Variants in CCDC117 observed in about 807,000 individuals in gnomAD.
The protein encoded by CCDC117 is coiled-coil domain-containing protein 117.
Under a neutral mutation model 23.5 loss-of-function variants are expected in CCDC117, and 1 was observed. The ratio of observed to expected loss-of-function variants is 0.04; its 90% CI spans 0.02 to 0.20. CCDC117 has a LOEUF of 0.20. CCDC117 is among the 10% of genes least tolerant of loss of function. The pLI is 1.00. For synonymous variants in CCDC117, 132 were observed against 124.8 expected (o/e 1.06, Z -0.39); for missense variants, 383 against 348.2 (o/e 1.10, Z -0.80).
chr22:28,780,705 C>T lies in CCDC117; in HGVS notation c.240-243C>T, dbSNP rs546269612. 9.2e-5 allele frequency among the ~76,000 whole-genome samples: 14 copies of T among 152,306 alleles called. 1 individual carries two copies. In the South Asian group the frequency reaches 2.9e-3, roughly 32 times the overall value. The stretch of plus-strand genomic sequence containing the variant: ...TGACTTTAAGGTCCCACATTGAACA[C>T]TTACTGTCTGAACAGGCAGAATCTT... On this transcript the variant is annotated intron_variant, in intron 2 of 4. Transcript: ENST00000249064.
At chr22:28,773,829 CCT>C (rs767633937) in intron 2 of CCDC117, 51 bp downstream of exon 2, 32 of 1,374,876 alleles carry the variant, frequency 2.3e-5, no homozygotes, top group Middle Eastern at 1.8e-4. Context: ...TAGTTGAACC[CCT>C]GTTATAGTCT....
Position 28,788,166 on chromosome 22 carries a change from C to G in CCDC117, c.*1840C>G, listed in dbSNP as rs2031572847. ...GGAAACCAGCTAATAGTTTCTTAAT[C>G]TCAGATTTCGAGATGAATGTAAACT... On this transcript the variant is annotated 3_prime_UTR_variant, in exon 5 of 5. Transcript: ENST00000249064. The G allele has an allele frequency of 6.6e-6, 1 of 152,638 alleles. No individual in the cohort carries two copies. The highest frequency in any genetic ancestry group is 2.4e-5 in the African/African-American group (1 of 41,450). The allele number at this position is 152,638 out of a possible 1,614,324, so 9.5% of individuals were successfully genotyped here. A position where few individuals can be genotyped will look rare whatever the true frequency, so the allele number is the denominator to read the frequency against.
intron 3 of CCDC117, among the ~76,000 whole-genome samples, chr22:28,782,250 C>CTTTTTTTTTT (rs34670753): frequency 8.7e-5 from 7 of 80,316 alleles, no homozygotes; most frequent in African/African-American, 3.6e-4. Flanking sequence ...TCTACTGAGC[C>CTTTTTTTTTT]TTTTTTTTTT....
In CCDC117 at chr22:28,788,590, T is replaced by TACCTGACATGATAATTATTTCTGC. The variant is rs1555947516; in HGVS notation, c.*2266_*2289dup. The TACCTGACATGATAATTATTTCTGC allele has an allele frequency of 1.0e-4, 16 of 152,694 alleles. No individual in the cohort carries two copies. The highest frequency in any genetic ancestry group is 3.6e-4 in the African/African-American group (15 of 41,472). The allele number at this position is 152,694 out of a possible 1,614,324, so 9.5% of individuals were successfully genotyped here. On this transcript the variant is annotated 3_prime_UTR_variant, in exon 5 of 5. Coordinates refer to ENST00000249064, the MANE Select transcript of CCDC117 (RefSeq NM_173510.4). ...ACAGAGCTTATTTCAGTAGTCAAGTTACCTGACATGATAATTATTTCTGCA... is the reference window on the plus strand; with the variant it reads ...ACAGAGCTTATTTCAGTAGTCAAGTTACCTGACATGATAATTATTTCTGCACCTGACATGATAATTATTTCTGCA...
intron 3 of CCDC117, among the ~76,000 whole-genome samples, chr22:28,782,632 T>G (rs1025078312): frequency 6.6e-6 from 1 of 151,958 alleles, no homozygotes; most frequent in Non-Finnish European, 1.5e-5. Flanking sequence ...AAAGATGGGG[T>G]TTCACCACGT....
At chr22:28,779,366 CT>C (rs772426837) in intron 2 of CCDC117, among the ~76,000 whole-genome samples, 142 of 144,804 alleles carry the variant, frequency 9.8e-4, no homozygotes, top group South Asian at 2.2e-3. Flanking sequence ...CTGCGCCCAG[CT>C]TTTTTTTTTT....
intron 2 of CCDC117, among the ~76,000 whole-genome samples, chr22:28,774,070 G>GTTTTTTT (rs67314143): frequency 7.9e-6 from 1 of 126,094 alleles, no homozygotes; most frequent in African/African-American, 2.9e-5. Flanking sequence ...TTTTGTTTTT[G>GTTTTTTT]TTTTTTTTTT....
intron 2 of CCDC117, among the ~76,000 whole-genome samples, chr22:28,778,398 A>C (rs1601422918): frequency 6.6e-6 from 1 of 152,194 alleles, no homozygotes; most frequent in East Asian, 1.9e-4. Context: ...ACCTCAGATC[A>C]GTAGTTTGAG....
chr22:28,773,689 A>T, intron 1 of CCDC117, 36 bp from the exon 2 acceptor site: 1 of 1,567,978 alleles, frequency 6.4e-7, no homozygotes, highest in Non-Finnish European at 8.8e-7. Context: ...GCTCGAGTAC[A>T]TTTCTTAATT....
At position 28,772,920 on chromosome 22, in the gene CCDC117, A is replaced by AGCC; in HGVS notation, c.73_75dup (p.Pro25dup). On this transcript the variant is annotated inframe_insertion, in exon 1 of 5. Coordinates refer to ENST00000249064, the MANE Select transcript of CCDC117 (RefSeq NM_173510.4). Reference sequence around the variant, plus strand: ...GGCTCGGACTTCCTGCAGCCGCCGCAGCCGGCCTTCCCCGGCCGGGCCTTC... The same window carrying AGCC: ...GGCTCGGACTTCCTGCAGCCGCCGCAGCCGCCGGCCTTCCCCGGCCGGGCCTTC... 8.1e-7 allele frequency: 1 copy of AGCC among 1,227,482 alleles called. No individual in the cohort carries two copies. Among genetic ancestry groups the AGCC allele is most frequent in the East Asian group, 3.3e-5 (1 of 30,732 alleles). 76.0% of individuals were successfully genotyped at this position (1,227,482 alleles called of 1,614,324 possible). A position where few individuals can be genotyped will look rare whatever the true frequency, so the allele number is the denominator to read the frequency against.
At chr22:28,784,186 T>C (rs1260169493) in intron 4 of CCDC117, among the ~76,000 whole-genome samples, 2 of 152,204 alleles carry the variant, frequency 1.3e-5, no homozygotes, top group African/African-American at 4.8e-5. Context: ...TCCTAGATCA[T>C]CAGAGTAGAA....
chr22:28,781,330 GTTTTGTTTTTTTTT>G (rs2031314243), intron 3 of CCDC117, among the ~76,000 whole-genome samples, 158 bp downstream of exon 3: 6 of 37,628 alleles, frequency 1.6e-4, no homozygotes, highest in East Asian at 8.3e-4. Context: ...TTGTTTTTTT[GTTTTGTTTTTTTTT>G]TTTTTTTTTT....
rs902747446 is a variant in CCDC117, at chr22:28,787,970, A to T, written c.*1644A>T. ...ACTGAAATCCCTCCCCTTGTTACAG[A>T]TGGCGTAGAAGTCACAAGTCTGTTA... is the stretch of plus-strand genomic sequence containing the variant. On this transcript the variant is annotated 3_prime_UTR_variant, in exon 5 of 5. Coordinates refer to ENST00000249064, the MANE Select transcript of CCDC117 (RefSeq NM_173510.4). 6 of 152,606 alleles carry T rather than the reference A, an allele frequency of 3.9e-5. No individual in the cohort carries two copies. The highest frequency in any genetic ancestry group is 5.9e-5 in the Non-Finnish European group (4 of 68,028). 9.5% of individuals were successfully genotyped at this position (152,606 alleles called of 1,614,324 possible). A position where few individuals can be genotyped will look rare whatever the true frequency, so the allele number is the denominator to read the frequency against.
At chr22:28,774,132 A>G (rs933715306) in intron 2 of CCDC117, among the ~76,000 whole-genome samples, 5 of 144,918 alleles carry the variant, frequency 3.5e-5, no homozygotes, top group African/African-American at 1.0e-4. Flanking sequence ...CAGTGGCGCT[A>G]TGTGGGCTCA....
chr22:28,783,004 C>A (rs1332797478), intron 3 of CCDC117, among the ~76,000 whole-genome samples: 1 of 152,046 alleles, frequency 6.6e-6, no homozygotes, highest in Admixed American at 6.5e-5. Context: ...ATATGTAAAA[C>A]TTTTTCGTTA....
At chr22:28,774,280 G>A (rs1402246043) in intron 2 of CCDC117, among the ~76,000 whole-genome samples, 2 of 151,246 alleles carry the variant, frequency 1.3e-5, no homozygotes, top group East Asian at 1.9e-4. Flanking sequence ...TGTTAGCCAG[G>A]GTGGTCTTGA....
intron 2 of CCDC117, among the ~76,000 whole-genome samples, chr22:28,779,062 C>A (rs1298410205): frequency 1.3e-5 from 2 of 151,602 alleles, no homozygotes; most frequent in African/African-American, 4.8e-5. Context: ...ACACTGGGCT[C>A]AAGTGATCTC....
chr22:28,788,497 C>T lies in CCDC117; in HGVS notation c.*2171C>T, dbSNP rs1287298541. On this transcript the variant is annotated 3_prime_UTR_variant, in exon 5 of 5. Coordinates refer to ENST00000249064, the MANE Select transcript of CCDC117 (RefSeq NM_173510.4). ...ATGATGAAAAGGAAGAAACAAGCCC[C>T]CAACACAAGGCTCTGATACTACTGG... 6.6e-6 allele frequency: 1 copy of T among 152,200 alleles called. No individual in the cohort carries two copies. Among genetic ancestry groups the T allele is most frequent in the African/African-American group, 2.4e-5 (1 of 41,422 alleles). 9.4% of individuals were successfully genotyped at this position (152,200 alleles called of 1,614,324 possible). A position where few individuals can be genotyped will look rare whatever the true frequency, so the allele number is the denominator to read the frequency against.
At chr22:28,784,532 G>T (rs2031454129) in intron 4 of CCDC117, among the ~76,000 whole-genome samples, 1 of 152,210 alleles carries the variant, frequency 6.6e-6, no homozygotes, top group Admixed American at 6.5e-5. Flanking sequence ...GATAGGTGAG[G>T]CATTATTACC....
Sources: gnomAD v4.1 joint callset for allele counts (sites outside exome capture counted in the v4.1 genomes callset) on GRCh38, gnomAD v4.1.1 for gene constraint, MANE v1.5 for transcripts, NCBI Gene and HGNC (gene_info 2026-07-23, HGNC 2026-07-21) for gene names.